Variants in TRPC5 observed in about 807,000 individuals in gnomAD.
TRPC5 encodes the protein transient receptor potential cation channel subfamily C member 5.
TRPC5 carries 9 observed loss-of-function variants against 56.5 expected under a neutral mutation model. The observed-to-expected ratio is 0.16, with a 90% CI of 0.10 to 0.28. The LOEUF (loss-of-function observed/expected upper bound fraction) is 0.28. Among genes scored for constraint, TRPC5 ranks in the 10% least tolerant of loss-of-function variants. The pLI, the probability that TRPC5 is intolerant of heterozygous loss-of-function variation, is 1.00. For synonymous variants in TRPC5, 282 were observed against 278.5 expected (o/e 1.01, Z -0.13); for missense variants, 469 against 748.9 (o/e 0.63, Z 4.36).
intron 1 of TRPC5, among the ~76,000 whole-genome samples, chrX:112,032,822 G>C (rs772130171): frequency 9.0e-6 from 1 of 111,457 alleles, no homozygotes; most frequent in Non-Finnish European, 1.9e-5. Context: ...ATCCTGATAG[G>C]TGTGAGCTCT....
intron 7 of TRPC5, among the ~76,000 whole-genome samples, chrX:111,793,986 G>T (rs1231197500): frequency 9.0e-6 from 1 of 111,571 alleles, no homozygotes; most frequent in Non-Finnish European, 1.9e-5. Context: ...CAATTTCTAT[G>T]AAATGGTCAG....
chrX:111,967,055 G>C lies in TRPC5; in HGVS notation c.-21-14614C>G, dbSNP rs1461835435. On this transcript the variant is annotated intron_variant, in intron 1 of 10. Coordinates refer to ENST00000262839, the MANE Select transcript of TRPC5 (RefSeq NM_012471.3). ...AGTCAAATTGTCCCTGTTTGCAGAT[G>C]ACATGATTGTATATCTAGAAAACCC... Among the ~76,000 whole-genome samples the C allele has an allele frequency of 2.7e-5, 3 of 111,791 alleles. No homozygotes were observed. In the South Asian group the frequency reaches 1.1e-3, roughly 42 times the overall value.
intron 3 of TRPC5, among the ~76,000 whole-genome samples, chrX:111,904,342 A>T (rs769120638): frequency 8.9e-6 from 1 of 112,350 alleles, no homozygotes; most frequent in East Asian, 2.8e-4. Flanking sequence ...GCGTATGTTC[A>T]TTGCAGCACT....
chrX:111,825,175 CTTTCT>C (rs1415664065), intron 7 of TRPC5, among the ~76,000 whole-genome samples: 13 of 80,076 alleles, frequency 1.6e-4, no homozygotes, highest in Non-Finnish European at 2.8e-4. Context: ...TTCTTTCTTT[CTTTCT>C]TTCTTTCTTT....
At chrX:111,902,357 G>C in intron 3 of TRPC5, 1 of 349,382 alleles carries the variant, frequency 2.9e-6, no homozygotes. Context: ...GCAAAAGCTG[G>C]TCTTTTTTCA....
At chrX:111,993,230 C>T (rs1928416001) in intron 1 of TRPC5, among the ~76,000 whole-genome samples, 1 of 111,239 alleles carries the variant, frequency 9.0e-6, no homozygotes, top group Non-Finnish European at 1.9e-5. Context: ...AGGACATGAA[C>T]TCATCCTTCT....
At chrX:112,004,408 T>C (rs765847327) in intron 1 of TRPC5, among the ~76,000 whole-genome samples, 25 of 111,932 alleles carry the variant, frequency 2.2e-4, no homozygotes, top group African/African-American at 7.5e-4. Flanking sequence ...AGAAGAATGC[T>C]GAAGGCAATC....
At chrX:111,803,242 C>T in intron 7 of TRPC5, among the ~76,000 whole-genome samples, 1 of 112,389 alleles carries the variant, frequency 8.9e-6, no homozygotes, top group Non-Finnish European at 1.9e-5. Context: ...ATATGTGCCA[C>T]ATTTTCTTTA....
rs768059247 is a variant in TRPC5, at chrX:111,781,220, TAGAC to T, written c.2101-18_2101-15del. On this transcript the variant is annotated splice_polypyrimidine_tract_variant and intron_variant, in intron 8 of 10. Transcript: ENST00000262839. Reference sequence around the variant, plus strand: ...AGCATTGCGTTCCTATAATTGAAAATAGACAGAGATGTTACATCAGCAGTCTCCC... The same window carrying T: ...AGCATTGCGTTCCTATAATTGAAAATAGAGATGTTACATCAGCAGTCTCCC... 37 of 1,199,884 alleles carry T rather than the reference TAGAC, an allele frequency of 3.1e-5. No individual in the cohort carries two copies. Among genetic ancestry groups the T allele is most frequent in the Middle Eastern group, 2.3e-4 (1 of 4,357 alleles).
chrX:111,792,808 G>T (rs1310129419), intron 7 of TRPC5, among the ~76,000 whole-genome samples: 1 of 112,088 alleles, frequency 8.9e-6, no homozygotes, highest in Non-Finnish European at 1.9e-5. Context: ...AAAGGATCCT[G>T]GTTGGCATGA....
chrX:112,054,324 A>C (rs1042317899), intron 1 of TRPC5, among the ~76,000 whole-genome samples: 8 of 110,889 alleles, frequency 7.2e-5, no homozygotes, highest in African/African-American at 2.6e-4. Flanking sequence ...GTTAAAGAAT[A>C]CTAAAAGGAG....
At position 111,952,063 on chromosome X, in the gene TRPC5, G is replaced by A. The variant is rs1410735076; in HGVS notation, c.358C>T (p.Arg120Trp). The part of the protein sequence containing the change: ...GAVELLLSYR[R>W]PSGEKQVPTL... ...CTTACCTGCTTCTCTCCGCTGGGCC[G>A]CCTGTAGCTGAGCAGAAGCTCCACA... Residue 120 changes from arginine to tryptophan, a missense_variant, in exon 2 of 11, where the codon CGG (arginine) becomes TGG (tryptophan). Arg to Trp is a moderately radical substitution (Grantham distance 101). This residue lies in a region of TRPC5 where 118 missense variants were observed against 167.1 expected (regional missense o/e 0.71). Coordinates refer to ENST00000262839, the MANE Select transcript of TRPC5 (RefSeq NM_012471.3). The A allele has an allele frequency of 7.5e-6, 9 of 1,207,561 alleles. No homozygotes were observed. Among genetic ancestry groups the A allele is most frequent in the East Asian group, 3.0e-5 (1 of 33,694 alleles).
intron 2 of TRPC5, among the ~76,000 whole-genome samples, chrX:111,938,528 C>T (rs184342472): frequency 9.0e-6 from 1 of 111,386 alleles, no homozygotes; most frequent in African/African-American, 3.3e-5. Context: ...CCCATCAATA[C>T]CTAATTTATT....
At chrX:111,945,817 A>G (rs1325160764) in intron 2 of TRPC5, among the ~76,000 whole-genome samples, 2 of 112,056 alleles carry the variant, frequency 1.8e-5, no homozygotes, top group Non-Finnish European at 3.8e-5. Context: ...ATGGAGGTCA[A>G]TTGTGCCCAA....
At position 112,035,088 on chromosome X, in the gene TRPC5, TTA is replaced by T. The variant is rs1491469610; in HGVS notation, c.-22+46789_-22+46790del. On this transcript the variant is annotated intron_variant, in intron 1 of 10. Coordinates refer to ENST00000262839, the MANE Select transcript of TRPC5 (RefSeq NM_012471.3). ...GATTTGAAGTTTTCCTTTTTTTTTT[TTA>T]AAAAAAAAAAAATGTAAGAGCTTAG... is the stretch of plus-strand genomic sequence containing the variant. Among the ~76,000 whole-genome samples, 742 of 95,485 alleles carry T rather than the reference TTA, an allele frequency of 7.8e-3. 8 individuals are homozygous for T. The highest frequency in any genetic ancestry group is 0.032 in the African/African-American group (707 of 22,400). 82.9% of individuals were successfully genotyped at this position (95,485 alleles called of 115,157 possible).
At chrX:111,953,558 C>CTAT (rs1243407450) in intron 1 of TRPC5, among the ~76,000 whole-genome samples, 1 of 111,820 alleles carries the variant, frequency 8.9e-6, no homozygotes, top group African/African-American at 3.3e-5. Context: ...AGGCTCAGAT[C>CTAT]TATTAGGTGT....
chrX:112,046,164 C>T (rs1930013629), intron 1 of TRPC5, among the ~76,000 whole-genome samples: 1 of 105,903 alleles, frequency 9.4e-6, no homozygotes, highest in Non-Finnish European at 1.9e-5. Context: ...ATCATAACTT[C>T]ATAACTAGCC....
intron 1 of TRPC5, among the ~76,000 whole-genome samples, chrX:111,974,218 T>C (rs192618029): frequency 1.4e-3 from 155 of 111,827 alleles, no homozygotes; most frequent in African/African-American, 4.9e-3. Context: ...GGTTCTATAA[T>C]TTTCTAAGCT....
intron 3 of TRPC5, among the ~76,000 whole-genome samples, chrX:111,906,248 A>T (rs1327949885): frequency 9.2e-6 from 1 of 108,956 alleles, no homozygotes; most frequent in Non-Finnish European, 1.9e-5. Flanking sequence ...CCAGCTACTC[A>T]GGAGGCTGAG....
Sources: allele counts gnomAD v4.1 joint callset (sites outside exome capture counted in the v4.1 genomes callset), GRCh38; gene constraint gnomAD v4.1.1; regional missense constraint gnomAD v4.1.1; transcripts MANE v1.5; gene names NCBI Gene and HGNC (gene_info 2026-07-23, HGNC 2026-07-21).